TAF12: variants seen among roughly 807,000 people sequenced by gnomAD.
The protein encoded by TAF12 is TATA-box binding protein associated factor 12, also known as transcription initiation factor TFIID subunit 12.
A neutral mutation model predicts 20.8 loss-of-function variants in TAF12; 3 were observed. The observed-to-expected ratio is 0.14, with a 90% CI of 0.07 to 0.37. The LOEUF (loss-of-function observed/expected upper bound fraction) is 0.37, where lower values mean the gene tolerates loss of function less well. Among genes scored for constraint, TAF12 ranks in the 10% least tolerant of loss-of-function variants. The probability of loss-of-function intolerance (pLI) is 1.00; values close to 1 mark genes in which losing one functional copy is unlikely to be tolerated. For synonymous variants in TAF12, 69 were observed against 70.2 expected, an observed-to-expected ratio of 0.98 and a Z score of 0.09; for missense variants, 131 against 197.9, an observed-to-expected ratio of 0.66 and a Z score of 2.03.
At chr1:28,630,113 AT>A (rs1426038292) in intron 1 of TAF12, among the ~76,000 whole-genome samples, 1 of 151,782 alleles carries the variant, frequency 6.6e-6, no homozygotes, top group Non-Finnish European at 1.5e-5. Context: ...CTCATTTTAT[AT>A]TTTTTATTTT....
chr1:28,615,419 C>A (rs2124319262), intron 3 of TAF12, among the ~76,000 whole-genome samples: 1 of 151,974 alleles, frequency 6.6e-6, no homozygotes, highest in African/African-American at 2.4e-5. Flanking sequence ...TGGCTCATGC[C>A]TGTAATCCCA....
chr1:28,645,838 G>A (rs1393832542), upstream of TAF12, among the ~76,000 whole-genome samples: 2 of 151,540 alleles, frequency 1.3e-5, no homozygotes, highest in African/African-American at 4.9e-5. Context: ...GTAGTGGCGC[G>A]TGCCTGTAGT....
At chr1:28,646,738 G>T (rs1173187407), upstream of TAF12, among the ~76,000 whole-genome samples, 4 of 132,768 alleles carry the variant, frequency 3.0e-5, no homozygotes, top group African/African-American at 8.7e-5. Context: ...TCACTCTGTC[G>T]CCCAGGCTGG....
At position 28,603,448 on chromosome 1, in the gene TAF12, T is replaced by TA; in HGVS notation, c.*90_*91insT. The TA allele has an allele frequency of 7.2e-7, 1 of 1,383,720 alleles. No homozygotes were observed. Among genetic ancestry groups the TA allele is most frequent in the Non-Finnish European group, 1.0e-6 (1 of 977,684 alleles). The allele number at this position is 1,383,720 out of a possible 1,614,324, so 85.7% of individuals were successfully genotyped here. A position where few individuals can be genotyped will look rare whatever the true frequency, so the allele number is the denominator to read the frequency against. On this transcript the variant is annotated 3_prime_UTR_variant, in exon 6 of 6. Transcript: ENST00000373824. ...AAAATATATGCTTCTCTGTAAAGCATTAAAAAAAAAAATCCAAGGATGAGA... is the reference window on the plus strand; with the variant it reads ...AAAATATATGCTTCTCTGTAAAGCATATAAAAAAAAAAATCCAAGGATGAGA...
intron 3 of TAF12, among the ~76,000 whole-genome samples, chr1:28,617,093 G>A (rs1342328581): frequency 2.0e-5 from 3 of 151,938 alleles, no homozygotes; most frequent in African/African-American, 2.4e-5. Flanking sequence ...GCACTCCAGC[G>A]TGGGCATCAA....
upstream of TAF12, among the ~76,000 whole-genome samples, chr1:28,645,743 G>C (rs1171049101): frequency 6.6e-6 from 1 of 152,134 alleles, no homozygotes; most frequent in Non-Finnish European, 1.5e-5. Flanking sequence ...GGCCGAGGCA[G>C]GTGGATCACT....
intron 1 of TAF12, among the ~76,000 whole-genome samples, chr1:28,627,193 C>T (rs571894432): frequency 1.4e-4 from 22 of 151,748 alleles, no homozygotes; most frequent in African/African-American, 4.8e-4. Flanking sequence ...TCGAGACCAG[C>T]CTGGCCAACA....
intron 1 of TAF12, among the ~76,000 whole-genome samples, chr1:28,635,672 C>T (rs1383271123): frequency 2.0e-5 from 3 of 152,014 alleles, no homozygotes; most frequent in African/African-American, 4.8e-5. Flanking sequence ...TTCCCTTTAA[C>T]AACCTTGTAC....
intron 1 of TAF12, among the ~76,000 whole-genome samples, chr1:28,625,612 G>C (rs1667356999): frequency 6.6e-6 from 1 of 150,746 alleles, no homozygotes; most frequent in Admixed American, 6.6e-5. Context: ...CACTAACTCG[G>C]CTCACTGCAA....
Position 28,622,106 on chromosome 1 carries a change from C to T in TAF12, c.-25G>A, listed in dbSNP as rs1312263069. The T allele has an allele frequency of 1.3e-6, 2 of 1,594,978 alleles. No individual in the cohort carries two copies. Among genetic ancestry groups the T allele is most frequent in the South Asian group, 2.3e-5 (2 of 88,478 alleles). On this transcript the variant is annotated 5_prime_UTR_variant, in exon 2 of 6. Transcript: ENST00000373824. The stretch of plus-strand genomic sequence containing the variant: ...TAATCTGCCGAGCTTTGGACTTCAG[C>T]TCATAGAGCTTATCGAGATCCTGTT...
chr1:28,632,350 C>T (rs536261175), intron 1 of TAF12, among the ~76,000 whole-genome samples: 9 of 151,966 alleles, frequency 5.9e-5, no homozygotes, highest in Non-Finnish European at 1.3e-4. Context: ...GCAGGAGAAT[C>T]GCTTGAACCT....
chr1:28,608,782 C>CA (rs1273234935), intron 4 of TAF12, among the ~76,000 whole-genome samples: 1 of 150,808 alleles, frequency 6.6e-6, no homozygotes, highest in Non-Finnish European at 1.5e-5. Flanking sequence ...AAATAAAAGA[C>CA]AAAAAATTAG....
At chr1:28,631,383 G>A (rs1027312792) in intron 1 of TAF12, among the ~76,000 whole-genome samples, 1 of 151,872 alleles carries the variant, frequency 6.6e-6, no homozygotes, top group African/African-American at 2.4e-5. Flanking sequence ...AAACTAGCTG[G>A]GTGTGTTGGC....
chr1:28,632,643 GA>G (rs952901987), intron 1 of TAF12, among the ~76,000 whole-genome samples: 5 of 151,242 alleles, frequency 3.3e-5, no homozygotes, highest in Non-Finnish European at 7.4e-5. Context: ...GGCCACTCTG[GA>G]AAAAAAAAGT....
chr1:28,604,507 A>G (rs1666601887), intron 5 of TAF12, among the ~76,000 whole-genome samples: 1 of 152,222 alleles, frequency 6.6e-6, no homozygotes, highest in African/African-American at 2.4e-5. Flanking sequence ...TGTCGACTAA[A>G]TAAATAGGGC....
chr1:28,616,442 T>TA (rs2124322634), intron 3 of TAF12, among the ~76,000 whole-genome samples: 1 of 147,754 alleles, frequency 6.8e-6, no homozygotes, highest in Non-Finnish European at 1.5e-5. Flanking sequence ...TAAGGAAAGT[T>TA]ATATGGACCA....
chr1:28,626,899 G>A (rs1036663220), intron 1 of TAF12, among the ~76,000 whole-genome samples: 10 of 151,884 alleles, frequency 6.6e-5, no homozygotes, highest in South Asian at 6.2e-4. Context: ...CGACAAGGGC[G>A]AAACTCCATC....
intron 2 of TAF12, among the ~76,000 whole-genome samples, 173 bp downstream of exon 2, chr1:28,621,741 A>T (rs896914303): frequency 8.5e-5 from 13 of 152,202 alleles, no homozygotes; most frequent in African/African-American, 3.1e-4. Flanking sequence ...GGCCCAAATA[A>T]ACTCTCTACT....
At chr1:28,611,144 G>A (rs918945321) in intron 4 of TAF12, among the ~76,000 whole-genome samples, 2 of 151,832 alleles carry the variant, frequency 1.3e-5, no homozygotes, top group African/African-American at 2.4e-5. Flanking sequence ...GCCTTTAGCT[G>A]CTTAGCTGCC....
Sources: gnomAD v4.1 joint callset for allele counts (sites outside exome capture counted in the v4.1 genomes callset) on GRCh38, gnomAD v4.1.1 for gene constraint, MANE v1.5 for transcripts, NCBI Gene and HGNC (gene_info 2026-07-23, HGNC 2026-07-21) for gene names.